Variants in INPP4A observed in about 807,000 individuals in gnomAD.
INPP4A encodes the protein inositol polyphosphate-4-phosphatase, type I, 107kD.
A neutral mutation model predicts 119.8 loss-of-function variants in INPP4A; 33 were observed. The ratio of observed to expected loss-of-function variants is 0.28; its 90% CI spans 0.21 to 0.37. The LOEUF (loss-of-function observed/expected upper bound fraction) is 0.37, where lower values mean the gene tolerates loss of function less well. INPP4A is among the 10% of genes least tolerant of loss of function. The probability of loss-of-function intolerance (pLI) is 1.00; values close to 1 mark genes in which losing one functional copy is unlikely to be tolerated. For missense variants in INPP4A, 956 were observed against 1,289.9 expected (o/e 0.74, Z 3.97); for synonymous variants, 496 against 500.7 (o/e 0.99, Z 0.12).
intron 22 of INPP4A, chr2:98,571,856 C>G (rs537501713): frequency 2.6e-5 from 4 of 152,582 alleles, no homozygotes; most frequent in Admixed American, 2.0e-4. Context: ...CCTGACCTGG[C>G]TAAGCTCCCC....
At chr2:98,449,022 T>A (rs1479919695) in intron 1 of INPP4A, among the ~76,000 whole-genome samples, 3 of 152,192 alleles carry the variant, frequency 2.0e-5, no homozygotes, top group Non-Finnish European at 4.4e-5. Flanking sequence ...GCCTTCTTAA[T>A]GTATCCCATC....
intron 1 of INPP4A, among the ~76,000 whole-genome samples, chr2:98,504,821 C>T (rs1035787081): frequency 2.6e-5 from 4 of 152,194 alleles, no homozygotes; most frequent in Non-Finnish European, 1.5e-5. Context: ...AACTTATTAT[C>T]AGTTCTGCTC....
At chr2:98,503,562 C>T (rs570085448) in intron 1 of INPP4A, among the ~76,000 whole-genome samples, 4 of 152,346 alleles carry the variant, frequency 2.6e-5, no homozygotes, top group African/African-American at 9.6e-5. Flanking sequence ...CTCATTTTGT[C>T]TTGGAGTTGT....
rs1378479560 is a variant in INPP4A, at chr2:98,537,893, C to A, written c.498C>A (p.Ile166=). ...CAGAGAGTGACCGTGTAGGTAACAT[C>A]ACCGTGATTGGCTGGCAGATGGAGG... is the stretch of plus-strand genomic sequence containing the variant. ...RSAESDRVGN[I]TVIGWQMEEK... The change falls in exon 8 of 25, where the codon ATC becomes ATA. Residue 166 remains isoleucine (I), a synonymous_variant. Transcript: ENST00000409851. 3 of 1,612,948 alleles carry A rather than the reference C, an allele frequency of 1.9e-6. No homozygotes were observed. Among genetic ancestry groups the A allele is most frequent in the Non-Finnish European group, 2.5e-6 (3 of 1,179,446 alleles).
Position 98,563,481 on chromosome 2 carries a change from C to G in INPP4A, c.1872C>G (p.Ala624=). ...GTGCCCCAGGTGAATGGAGTGAGGCCCTTTACCCGCTGCTGACCACTCTCA... is the reference window on the plus strand; with the variant it reads ...GTGCCCCAGGTGAATGGAGTGAGGCGCTTTACCCGCTGCTGACCACTCTCA... ...EESSPGEWSE[A]LYPLLTTLTD... is the part of the protein sequence containing the mutation. The change falls in exon 18 of 25, where the codon GCC becomes GCG. Residue 624 remains alanine, a synonymous_variant. Transcript: ENST00000409851. 6.2e-7 allele frequency: 1 copy of G among 1,613,072 alleles called. No individual in the cohort carries two copies. The highest frequency in any genetic ancestry group is 8.5e-7 in the Non-Finnish European group (1 of 1,179,536).
At chr2:98,524,939 G>A (rs1487908345) in intron 4 of INPP4A, among the ~76,000 whole-genome samples, 2 of 152,132 alleles carry the variant, frequency 1.3e-5, no homozygotes, top group African/African-American at 4.8e-5. Flanking sequence ...GCATGTTAAA[G>A]CAATATAAAT....
chr2:98,522,515 A>G (rs948139910), intron 4 of INPP4A, among the ~76,000 whole-genome samples: 2 of 152,138 alleles, frequency 1.3e-5, no homozygotes, highest in Admixed American at 1.3e-4. Context: ...CAAAGTAGAA[A>G]GTGGGTAAGA....
At chr2:98,506,613 G>A (rs1416127498) in intron 1 of INPP4A, among the ~76,000 whole-genome samples, 1 of 152,256 alleles carries the variant, frequency 6.6e-6, no homozygotes, top group African/African-American at 2.4e-5. Flanking sequence ...GGCCTGAGAA[G>A]TTCTTGGTCT....
intron 1 of INPP4A, among the ~76,000 whole-genome samples, chr2:98,482,892 T>A (rs1468631610): frequency 1.3e-5 from 2 of 152,234 alleles, no homozygotes; most frequent in African/African-American, 4.8e-5. Context: ...CTGACACTTT[T>A]TTAGCACTGA....
In INPP4A at chr2:98,570,915, G is replaced by A. The variant is rs998555131; in HGVS notation, c.2519-1900G>A. On this transcript the variant is annotated intron_variant, in intron 22 of 24. Transcript: ENST00000409851. The surrounding 1 kb of genome is among the most constrained non-coding windows in gnomAD (Gnocchi z 4.3). ...AGATGCAGTTGGAGCCAGAGAGCCT[G>A]GAAAAATACAGATGCCTGGGCCCCA... Among the ~76,000 whole-genome samples, 1 of 152,128 alleles carries A rather than the reference G, an allele frequency of 6.6e-6. No individual in the cohort carries two copies. The highest frequency in any genetic ancestry group is 2.4e-5 in the African/African-American group (1 of 41,414).
intron 17 of INPP4A, among the ~76,000 whole-genome samples, chr2:98,559,957 A>T (rs999706170): frequency 7.9e-5 from 12 of 152,244 alleles, no homozygotes; most frequent in Admixed American, 2.6e-4. Flanking sequence ...CTCTGAGCTA[A>T]ATCTTGTCCA....
chr2:98,532,035 A>G (rs991015327), intron 4 of INPP4A, among the ~76,000 whole-genome samples: 2 of 152,240 alleles, frequency 1.3e-5, no homozygotes, highest in African/African-American at 2.4e-5. Flanking sequence ...TTAGAACCCA[A>G]AAGAGCAGAT....
Position 98,543,914 on chromosome 2 carries a change from T to A in INPP4A, c.856T>A (p.Cys286Ser). 1 of 1,612,810 alleles carries A rather than the reference T, an allele frequency of 6.2e-7. No homozygotes were observed. The highest frequency in any genetic ancestry group is 8.5e-7 in the Non-Finnish European group (1 of 1,179,366). Residue 286 changes from cysteine (C) to serine (S), a missense_variant, in exon 11 of 25, where the codon TGC becomes AGC. By Grantham distance (112) the Cys-to-Ser change is moderately radical. This residue lies in a region of INPP4A where 652 missense variants were observed against 797.9 expected (regional missense o/e 0.82). Coordinates refer to ENST00000409851, the MANE Select transcript of INPP4A (RefSeq NM_001134225.2). Reference sequence around the variant, plus strand: ...GGAGGAGCTGGGAGAGCTGTCCCCTTGCTGGGAGAGCCTCCGGCGCCAAAT... The same window carrying A: ...GGAGGAGCTGGGAGAGCTGTCCCCTAGCTGGGAGAGCCTCCGGCGCCAAAT... ...ELEELGELSP[C>S]WESLRRQIVT...
chr2:98,548,432 G>A (rs1021903397), intron 13 of INPP4A, among the ~76,000 whole-genome samples: 1 of 152,174 alleles, frequency 6.6e-6, no homozygotes, highest in Non-Finnish European at 1.5e-5. Flanking sequence ...TCGCTCCATT[G>A]CATGTTGCCC....
chr2:98,503,636 ATTCACTTGTGTG>A (rs2105415998), intron 1 of INPP4A, among the ~76,000 whole-genome samples: 1 of 152,328 alleles, frequency 6.6e-6, no homozygotes, highest in African/African-American at 2.4e-5. Flanking sequence ...ATCACTTCTG[ATTCACTTGTGTG>A]TTCACTGTAA....
rs1689644348 is a variant in INPP4A at position 98,533,509 on chromosome 2, GTC to G, written c.270+22_270+23del. On this transcript the variant is annotated intron_variant, in intron 5 of 24. Coordinates refer to ENST00000409851, the MANE Select transcript of INPP4A (RefSeq NM_001134225.2). ...GAGATCATTGAGGTGGGTGCTGGTG[GTC>G]TCTCTCTGAGGGGCTGTGGGACATG... 1.3e-6 allele frequency: 2 copies of G among 1,506,624 alleles called. No homozygotes were observed. Among genetic ancestry groups the G allele is most frequent in the Non-Finnish European group, 1.8e-6 (2 of 1,082,376 alleles). The allele number at this position is 1,506,624 out of a possible 1,614,324, so 93.3% of individuals were successfully genotyped here. A position where few individuals can be genotyped will look rare whatever the true frequency, so the allele number is the denominator to read the frequency against.
chr2:98,454,755 G>C (rs538584432), intron 1 of INPP4A, among the ~76,000 whole-genome samples: 1 of 125,094 alleles, frequency 8.0e-6, no homozygotes, highest in African/African-American at 3.0e-5. Flanking sequence ...GGAGAAGGAT[G>C]TGGGCGGGGG....
In INPP4A at chr2:98,554,686, AG is replaced by A. The variant is rs752501780; in HGVS notation, c.1566+201del. 8.5e-5 allele frequency among the ~76,000 whole-genome samples: 13 copies of A among 152,098 alleles called. No homozygotes were observed. The highest frequency in any genetic ancestry group is 1.3e-4 in the Non-Finnish European group (9 of 67,998). On this transcript the variant is annotated intron_variant, in intron 15 of 24. Transcript: ENST00000409851. The surrounding 1 kb of genome is among the most constrained non-coding windows in gnomAD (Gnocchi z 4.7). ...TGTTTTCAAACCCTTGTGTCCAGAT[AG>A]GGGTAGGGCTGTGCTGGGGGCTGGG...
chr2:98,505,578 C>G (rs560007693), intron 1 of INPP4A, among the ~76,000 whole-genome samples: 14 of 152,314 alleles, frequency 9.2e-5, no homozygotes, highest in African/African-American at 3.1e-4. Flanking sequence ...AGCTTGCACA[C>G]TCTTCCCTTA....
Sources: gnomAD v4.1 joint callset for allele counts (sites outside exome capture counted in the v4.1 genomes callset) on GRCh38, gnomAD v4.1.1 for gene constraint, gnomAD v4.1.1 regional missense constraint, Gnocchi (gnomAD v3.1) non-coding constraint, MANE v1.5 for transcripts, NCBI Gene and HGNC (gene_info 2026-07-23, HGNC 2026-07-21) for gene names.